The following SMYD3 variants were observed in gnomAD, a reference collection of about 807,000 sequenced individuals.
SMYD3 encodes SET and MYND domain containing 3, also known as histone-lysine N-methyltransferase SMYD3.
Under a neutral mutation model 57.7 loss-of-function variants are expected in SMYD3, and 36 were observed. That is an observed-to-expected ratio of 0.62 (90% CI 0.48 to 0.82). The LOEUF is 0.82. Ranked by LOEUF, SMYD3 falls within the 40% of genes least tolerant of loss-of-function variation. The probability of loss-of-function intolerance (pLI) is 0.00; values close to 1 mark genes in which losing one functional copy is unlikely to be tolerated. For missense variants in SMYD3, 515 were observed against 538.8 expected (o/e 0.96, Z 0.44); for synonymous variants, 211 against 195.0 (o/e 1.08, Z -0.68).
intron 1 of SMYD3, among the ~76,000 whole-genome samples, chr1:246,369,275 T>A (rs565239503): frequency 1.4e-4 from 21 of 152,354 alleles, no homozygotes; most frequent in African/African-American, 5.1e-4. Flanking sequence ...ATCTTAGTAC[T>A]AACAGATTAA....
intron 10 of SMYD3, among the ~76,000 whole-genome samples, chr1:245,825,881 A>C (rs1202592563): frequency 6.7e-6 from 1 of 150,200 alleles, no homozygotes; most frequent in Non-Finnish European, 1.5e-5. Context: ...GTAATGACGT[A>C]TCTGGGTCTA....
At chr1:246,396,074 T>C (rs1249716880) in intron 1 of SMYD3, among the ~76,000 whole-genome samples, 2 of 152,198 alleles carry the variant, frequency 1.3e-5, no homozygotes, top group Non-Finnish European at 2.9e-5. Flanking sequence ...AGAGCCTTTA[T>C]GAGAGTGAGG....
At chr1:246,341,558 G>A (rs1347819206) in intron 2 of SMYD3, among the ~76,000 whole-genome samples, 1 of 151,998 alleles carries the variant, frequency 6.6e-6, no homozygotes, top group Non-Finnish European at 1.5e-5. Flanking sequence ...ATCATTATTT[G>A]AAATTAAGGC....
intron 1 of SMYD3, among the ~76,000 whole-genome samples, chr1:246,403,853 T>C (rs1011337605): frequency 6.6e-6 from 1 of 152,102 alleles, no homozygotes; most frequent in Non-Finnish European, 1.5e-5. Flanking sequence ...GAAATATATA[T>C]CCGTGTTCAA....
In SMYD3 at chr1:245,995,681, G is replaced by C. The variant is rs1426492752; in HGVS notation, c.532-65744C>G. ...AGTAGGGGGTGGGGGAGAGACTAAT[G>C]CAGCCTGCAGGGCTGACGGAGCAGG... On this transcript the variant is annotated intron_variant, in intron 5 of 11. Transcript: ENST00000490107. Among the ~76,000 whole-genome samples, 7 of 152,354 alleles carry C rather than the reference G, an allele frequency of 4.6e-5. No homozygotes were observed. In the East Asian group the frequency reaches 1.2e-3, roughly 25 times the overall value.
intron 9 of SMYD3, among the ~76,000 whole-genome samples, chr1:245,859,855 G>A (rs1015431943): frequency 6.6e-6 from 1 of 152,200 alleles, no homozygotes; most frequent in Non-Finnish European, 1.5e-5. Flanking sequence ...ATTTATCAGA[G>A]TTGAGGTTCT....
chr1:246,489,118 G>C (rs1280306621), intron 1 of SMYD3, among the ~76,000 whole-genome samples: 1 of 152,042 alleles, frequency 6.6e-6, no homozygotes, highest in Non-Finnish European at 1.5e-5. Context: ...AGGCCGAGGC[G>C]GGCGGATCAC....
At chr1:246,037,518 A>C (rs1170332956) in intron 5 of SMYD3, among the ~76,000 whole-genome samples, 1 of 152,194 alleles carries the variant, frequency 6.6e-6, no homozygotes, top group Non-Finnish European at 1.5e-5. Flanking sequence ...TCCTGCTTCA[A>C]GGACATATTT....
intron 1 of SMYD3, among the ~76,000 whole-genome samples, chr1:246,490,054 C>G (rs2068246034): frequency 7.4e-6 from 1 of 135,452 alleles, no homozygotes; most frequent in Non-Finnish European, 1.5e-5. Flanking sequence ...GTTGCCTAAG[C>G]TGGTCTGGAG....
chr1:245,828,884 G>A (rs1329499463), intron 10 of SMYD3, among the ~76,000 whole-genome samples: 4 of 151,886 alleles, frequency 2.6e-5, no homozygotes, highest in Non-Finnish European at 4.4e-5. Context: ...TGTATTTTTA[G>A]TAGAGATGGG....
intron 5 of SMYD3, chr1:246,186,935 C>T (rs907662352): frequency 5.1e-6 from 5 of 985,166 alleles, no homozygotes; most frequent in African/African-American, 1.7e-5. Flanking sequence ...AACAACTTTT[C>T]GCTGTGACTG....
intron 5 of SMYD3, among the ~76,000 whole-genome samples, chr1:246,222,041 G>A (rs1301816792): frequency 6.6e-6 from 1 of 152,100 alleles, no homozygotes; most frequent in Non-Finnish European, 1.5e-5. Flanking sequence ...CTGAACAGAT[G>A]GGCAGTTTTT....
chr1:245,921,499 G>C (rs2055926319), intron 7 of SMYD3, among the ~76,000 whole-genome samples: 1 of 150,124 alleles, frequency 6.7e-6, no homozygotes, highest in Admixed American at 6.7e-5. Context: ...CAATAGCAAA[G>C]AAATAGAATC....
intron 5 of SMYD3, among the ~76,000 whole-genome samples, chr1:246,045,101 T>C (rs926271864): frequency 6.6e-6 from 1 of 152,278 alleles, no homozygotes; most frequent in Non-Finnish European, 1.5e-5. Context: ...AAGCTACCAA[T>C]GACTTTCTTC....
chr1:246,487,867 T>A (rs1054929791), intron 1 of SMYD3, among the ~76,000 whole-genome samples: 5 of 152,142 alleles, frequency 3.3e-5, no homozygotes, highest in African/African-American at 1.2e-4. Flanking sequence ...GCTAATTTTG[T>A]ATTTTTAGTA....
intron 1 of SMYD3, among the ~76,000 whole-genome samples, chr1:246,479,982 C>T (rs2068081422): frequency 6.6e-6 from 1 of 152,140 alleles, no homozygotes; most frequent in South Asian, 2.1e-4. Context: ...TGTTTAGCAT[C>T]AGGTGGGTCA....
chr1:245,858,971 G>A (rs1247996107), intron 9 of SMYD3, among the ~76,000 whole-genome samples: 1 of 152,140 alleles, frequency 6.6e-6, no homozygotes, highest in Non-Finnish European at 1.5e-5. Flanking sequence ...TTTAAATCTA[G>A]TCATAAATAA....
At chr1:246,417,213 A>G (rs1268398480) in intron 1 of SMYD3, 2 of 152,188 alleles carry the variant, frequency 1.3e-5, no homozygotes, top group South Asian at 2.1e-4. Context: ...ATATTCCCCC[A>G]TCTCCCTGAC....
chr1:246,027,679 A>G (rs2059600443), intron 5 of SMYD3, among the ~76,000 whole-genome samples: 1 of 152,216 alleles, frequency 6.6e-6, no homozygotes, highest in Non-Finnish European at 1.5e-5. Context: ...CAACGCACCT[A>G]GTCATCCAAG....
Sources: allele counts gnomAD v4.1 joint callset (sites outside exome capture counted in the v4.1 genomes callset), GRCh38; gene constraint gnomAD v4.1.1; transcripts MANE v1.5; gene names NCBI Gene and HGNC (gene_info 2026-07-23, HGNC 2026-07-21).